The following DNAH2 variants were observed in gnomAD, a reference collection of about 807,000 sequenced individuals.
DNAH2 encodes the protein dynein axonemal heavy chain 2.
Under a neutral mutation model 523.5 loss-of-function variants are expected in DNAH2, and 323 were observed. The ratio of observed to expected loss-of-function variants is 0.62; its 90% confidence interval spans 0.56 to 0.68. The LOEUF is 0.68. Among genes scored for constraint, DNAH2 ranks in the 30% least tolerant of loss-of-function variants. The probability of loss-of-function intolerance (pLI) is 0.00; values close to 1 mark genes in which losing one functional copy is unlikely to be tolerated. For missense variants in DNAH2, 4,907 were observed against 5,701.5 expected (o/e 0.86, Z 4.49); for synonymous variants, 2,093 against 2,177.4 (o/e 0.96, Z 1.08).
chr17:7,731,257 AG>A (rs1457246706), intron 4 of DNAH2, among the ~76,000 whole-genome samples: 1 of 152,070 alleles, frequency 6.6e-6, no homozygotes, highest in East Asian at 1.9e-4. Context: ...ATCTTGGATT[AG>A]ATTCTGGATT....
At chr17:7,806,382 G>A (rs1386308754) in intron 61 of DNAH2, among the ~76,000 whole-genome samples, 2 of 152,158 alleles carry the variant, frequency 1.3e-5, no homozygotes, top group Non-Finnish European at 2.9e-5. Context: ...AATGGGCCAG[G>A]CACGGTGGCT....
chr17:7,791,318 G>A (rs971417988), intron 44 of DNAH2, among the ~76,000 whole-genome samples: 1 of 151,582 alleles, frequency 6.6e-6, no homozygotes, highest in Admixed American at 6.6e-5. Context: ...TGATCCACGC[G>A]GCTCTGCCTC....
chr17:7,739,723 T>A lies in DNAH2; in HGVS notation c.1171-10T>A. The A allele has an allele frequency of 6.2e-7, 1 of 1,611,104 alleles. No individual in the cohort carries two copies. The highest frequency in any genetic ancestry group is 8.5e-7 in the Non-Finnish European group (1 of 1,179,886). ...GAAAGCAGGAACCCTCATGCTGTCT[T>A]CTTTTTTAGGTATGTGACTGTCAGT... On this transcript the variant is annotated splice_polypyrimidine_tract_variant and intron_variant, in intron 8 of 85. Coordinates refer to ENST00000572933, the MANE Select transcript of DNAH2 (RefSeq NM_020877.5).
At chr17:7,763,037 G>T (rs56317857) in intron 18 of DNAH2, among the ~76,000 whole-genome samples, 9 of 151,560 alleles carry the variant, frequency 5.9e-5, no homozygotes, top group Non-Finnish European at 1.3e-4. Context: ...GTGCAGTGGC[G>T]CCATCTTGGC....
In DNAH2 at chr17:7,819,981, T is replaced by C. The variant is rs562703088; in HGVS notation, c.11015+573T>C. Among the ~76,000 whole-genome samples the C allele has an allele frequency of 9.2e-5, 14 of 152,294 alleles. No homozygotes were observed. In the South Asian group the frequency reaches 2.7e-3, roughly 29 times the overall value. On this transcript the variant is annotated intron_variant, in intron 72 of 85. Transcript: ENST00000572933. Reference sequence around the variant, plus strand: ...GGGAGTTATCCTTTATTTTTTATAATTTTTATTTGTACAGAAAGGGTCTCC... The same window carrying C: ...GGGAGTTATCCTTTATTTTTTATAACTTTTATTTGTACAGAAAGGGTCTCC...
intron 58 of DNAH2, among the ~76,000 whole-genome samples, chr17:7,803,992 G>C (rs2077294172): frequency 6.6e-6 from 1 of 152,230 alleles, no homozygotes; most frequent in Non-Finnish European, 1.5e-5. Context: ...TGGTGTGATG[G>C]AGACTGTTTA....
Position 7,832,105 on chromosome 17 carries a change from G to A in DNAH2, c.12726+330G>A, listed in dbSNP as rs1006520714. On this transcript the variant is annotated intron_variant, in intron 82 of 85. Transcript: ENST00000572933. This position sits in a 1 kb window ranked among gnomAD's most constrained non-coding sequence, Gnocchi z 4.3. ...TCATTGTTATGAATGAATAGCTGTC[G>A]TTGTATGCCTCTTTCCTAGAAGTTG... 1.3e-5 allele frequency among the ~76,000 whole-genome samples: 2 copies of A among 152,152 alleles called. No individual in the cohort carries two copies. Among genetic ancestry groups the A allele is most frequent in the African/African-American group, 2.4e-5 (1 of 41,432 alleles).
chr17:7,818,084 G>C lies in DNAH2; in HGVS notation c.10375G>C (p.Val3459Leu). 1 of 1,611,936 alleles carries C rather than the reference G, an allele frequency of 6.2e-7. No individual in the cohort carries two copies. Among genetic ancestry groups the C allele is most frequent in the Non-Finnish European group, 8.5e-7 (1 of 1,180,020 alleles). The change falls in exon 68 of 86, where the codon GTA (valine) becomes CTA (leucine). Residue 3459 changes from valine (V) to leucine (L), a missense_variant. Physicochemically the swap from Val to Leu is conservative, Grantham distance 32. Coordinates refer to ENST00000572933, the MANE Select transcript of DNAH2 (RefSeq NM_020877.5). ...PTLNPMLNKS[V>L]ARIGGRLLMR... ...ACTGAACCCCATGCTCAACAAATCTGTAGCCCGAATCGGTCAGGACAAGTC... is the reference window on the plus strand; with the variant it reads ...ACTGAACCCCATGCTCAACAAATCTCTAGCCCGAATCGGTCAGGACAAGTC...
intron 24 of DNAH2, among the ~76,000 whole-genome samples, chr17:7,768,731 C>T (rs970227149): frequency 1.3e-5 from 2 of 152,182 alleles, no homozygotes; most frequent in East Asian, 3.8e-4. Context: ...AACCAGCACT[C>T]GACTCTGCTT....
Position 7,780,776 on chromosome 17 carries a change from T to C in DNAH2, c.5997T>C (p.Asp1999=). 1 of 1,614,258 alleles carries C rather than the reference T, an allele frequency of 6.2e-7. No individual in the cohort carries two copies. Among genetic ancestry groups the C allele is most frequent in the Non-Finnish European group, 8.5e-7 (1 of 1,180,058 alleles). Residue 1999 remains aspartate (D), a synonymous_variant, in exon 38 of 86, where the codon GAT becomes GAC. Transcript: ENST00000572933. The surrounding 1 kb of genome is among the most constrained non-coding windows in gnomAD (Gnocchi z 4.4). ...GCCGCCTACAGCCGGATCTGACTGA[T>C]GAAGAGGTAGAGCAAGGACACAGCC... ...KKRRLQPDLT[D]EEVLLLSMRD...
In DNAH2 at chr17:7,799,197, A is replaced by G. The variant is rs970256099; in HGVS notation, c.8654A>G (p.Asn2885Ser). 1.9e-6 allele frequency: 3 copies of G among 1,614,016 alleles called. No homozygotes were observed. The highest frequency in any genetic ancestry group is 2.7e-5 in the African/African-American group (2 of 74,908). ...TACCTCATTGAACGCGTGCAGAACA[A>G]CCTGCACATCGTGCTCTGCCTCAGC... ...FAYLIERVQN[N>S]LHIVLCLSPM... Residue 2885 changes from asparagine (N) to serine (S), a missense_variant, in exon 56 of 86, where the codon AAC (asparagine) becomes AGC (serine). This residue lies in a region of DNAH2 where 1,851 missense variants were observed against 2,139.4 expected (regional missense o/e 0.87). Coordinates refer to ENST00000572933, the MANE Select transcript of DNAH2 (RefSeq NM_020877.5).
In DNAH2 at chr17:7,717,934, G is replaced by A. The variant is rs1474311931; in HGVS notation, c.-880G>A. 6.6e-6 allele frequency: 1 copy of A among 151,314 alleles called. No individual in the cohort carries two copies. Among genetic ancestry groups the A allele is most frequent in the Non-Finnish European group, 1.5e-5 (1 of 67,864 alleles). The allele number at this position is 151,314 out of a possible 1,614,324, so 9.4% of individuals were successfully genotyped here. Reference sequence around the variant, plus strand: ...GTTGTTGGGGAGAAGAGGCAGTTGTGGAGGGAGAGGGAGCAAGGAATATTT... The same window carrying A: ...GTTGTTGGGGAGAAGAGGCAGTTGTAGAGGGAGAGGGAGCAAGGAATATTT... On this transcript the variant is annotated 5_prime_UTR_variant, in exon 1 of 86. Transcript: ENST00000572933.
Position 7,766,199 on chromosome 17 carries a change from TC to T in DNAH2, c.3512-116del, listed in dbSNP as rs917960676. 4.0e-5 allele frequency: 44 copies of T among 1,096,030 alleles called. No homozygotes were observed. In the African/African-American group the frequency reaches 6.1e-4, roughly 15 times the overall value. 67.9% of individuals were successfully genotyped at this position (1,096,030 alleles called of 1,614,324 possible). A position where few individuals can be genotyped will look rare whatever the true frequency, so the allele number is the denominator to read the frequency against. The stretch of plus-strand genomic sequence containing the variant: ...TCAACGCGTTCCCTCTTACTCTCCT[TC>T]CCTTCCCTCTCTCACGTGAGGAGAG... On this transcript the variant is annotated intron_variant, in intron 21 of 85. Transcript: ENST00000572933.
chr17:7,741,101 C>T (rs1476187969), intron 11 of DNAH2, 109 bp downstream of exon 11: 3 of 1,370,498 alleles, frequency 2.2e-6, no homozygotes, highest in Non-Finnish European at 2.9e-6. Context: ...GCACCTATGT[C>T]GGTGAGGGGA....
At chr17:7,736,706 G>C (rs748050706) in intron 7 of DNAH2, among the ~76,000 whole-genome samples, 6 of 152,214 alleles carry the variant, frequency 3.9e-5, no homozygotes, top group Non-Finnish European at 7.3e-5. Context: ...TGTGGGCTGG[G>C]CGTGGTGGCT....
In DNAH2 at chr17:7,759,825, G is replaced by A. The variant is rs934124555; in HGVS notation, c.2672G>A (p.Gly891Asp). 6 of 1,614,078 alleles carry A rather than the reference G, an allele frequency of 3.7e-6. No individual in the cohort carries two copies. In the South Asian group the frequency reaches 5.5e-5, roughly 15 times the overall value. ...EFSPTLQTLA[G>D]VVNDIGNHLF... ...TCACCCACTCTGCAGACTTTGGCAG[G>A]TGTGGTCAATGACATTGGCAACCAC... Residue 891 changes from glycine to aspartate, a missense_variant, in exon 17 of 86, where the codon GGT becomes GAT. Physicochemically the swap from Gly to Asp is moderately conservative, Grantham distance 94. This residue lies in a region of DNAH2 where 2,806 missense variants were observed against 3,190.8 expected (regional missense o/e 0.88). Transcript: ENST00000572933.
intron 33 of DNAH2, 104 bp downstream of exon 33, chr17:7,777,738 A>T: frequency 7.1e-7 from 1 of 1,411,208 alleles, no homozygotes; most frequent in Non-Finnish European, 9.8e-7. Flanking sequence ...GCCAACCCTT[A>T]GTCCTGTCCC....
At position 7,767,609 on chromosome 17, in the gene DNAH2, C is replaced by CTT. The variant is rs373073103; in HGVS notation, c.3676-275_3676-274dup. Among the ~76,000 whole-genome samples the CTT allele has an allele frequency of 1.5e-3, 204 of 137,090 alleles. 4 individuals carry two copies. The highest frequency in any genetic ancestry group is 1.8e-3 in the African/African-American group (67 of 37,600). The allele number at this position is 137,090 out of a possible 152,430, so 89.9% of individuals were successfully genotyped here. Reference sequence around the variant, plus strand: ...TATCTCCGTGCCAACACTTATTTACCTTTTTTTTTTTTTTTTTGGTTCTAG... The same window carrying CTT: ...TATCTCCGTGCCAACACTTATTTACCTTTTTTTTTTTTTTTTTTTGGTTCTAG... On this transcript the variant is annotated intron_variant, in intron 22 of 85. Coordinates refer to ENST00000572933, the MANE Select transcript of DNAH2 (RefSeq NM_020877.5).
intron 8 of DNAH2, among the ~76,000 whole-genome samples, chr17:7,738,503 G>T (rs1249663673): frequency 3.3e-5 from 5 of 151,926 alleles, no homozygotes; most frequent in Admixed American, 3.3e-4. Context: ...CTAATTTTTT[G>T]TATTTTTAGT....
Sources: allele counts gnomAD v4.1 joint callset (sites outside exome capture counted in the v4.1 genomes callset), GRCh38; gene constraint gnomAD v4.1.1; regional missense constraint gnomAD v4.1.1; non-coding constraint Gnocchi (gnomAD v3.1); transcripts MANE v1.5; gene names NCBI Gene and HGNC (gene_info 2026-07-23, HGNC 2026-07-21).